AKT3: variants seen among roughly 807,000 people sequenced by gnomAD.
AKT3 encodes the protein RAC-gamma serine/threonine-protein kinase.
AKT3 carries 15 observed loss-of-function variants against 65.3 expected under a neutral mutation model. The observed-to-expected ratio is 0.23, with a 90% CI of 0.15 to 0.35. The LOEUF (loss-of-function observed/expected upper bound fraction) is 0.35. AKT3 is among the 10% of genes least tolerant of loss of function. AKT3 has a pLI of 1.00. For synonymous variants in AKT3, 206 were observed against 183.8 expected (o/e 1.12, Z -0.98); for missense variants, 243 against 576.5 (o/e 0.42, Z 5.92).
chr1:243,708,475 A>C (rs1251569845), intron 2 of AKT3, among the ~76,000 whole-genome samples: 1 of 152,024 alleles, frequency 6.6e-6, no homozygotes, highest in Admixed American at 6.5e-5. Context: ...AATTTCTTAA[A>C]ATGAAATGGG....
At chr1:243,732,109 G>GATC (rs1195515143) in intron 2 of AKT3, among the ~76,000 whole-genome samples, 1 of 152,056 alleles carries the variant, frequency 6.6e-6, no homozygotes, top group African/African-American at 2.4e-5. Flanking sequence ...ACAACAGTGA[G>GATC]ATCATGTATA....
At chr1:243,743,452 T>C (rs1457849133) in intron 2 of AKT3, among the ~76,000 whole-genome samples, 1 of 152,202 alleles carries the variant, frequency 6.6e-6, no homozygotes. Flanking sequence ...GAAGGTAGCA[T>C]TTGAAATCAA....
At chr1:243,793,165 C>A (rs1299673820) in intron 2 of AKT3, 1 of 152,196 alleles carries the variant, frequency 6.6e-6, no homozygotes, top group Non-Finnish European at 1.5e-5. Context: ...CAGCATACAG[C>A]AGCAAATACA....
intron 2 of AKT3, among the ~76,000 whole-genome samples, chr1:243,808,803 G>A (rs1692921549): frequency 6.6e-6 from 1 of 152,206 alleles, no homozygotes; most frequent in African/African-American, 2.4e-5. Flanking sequence ...ACCCACAAAA[G>A]GGAAGCCCAT....
At chr1:243,671,206 T>C (rs994825645) in intron 3 of AKT3, among the ~76,000 whole-genome samples, 6 of 151,644 alleles carry the variant, frequency 4.0e-5, no homozygotes, top group Non-Finnish European at 1.5e-5. Context: ...GCCTCCTGAG[T>C]AGCTGGGACT....
rs1228664980 is a variant in AKT3, at chr1:243,500,471, T to TTTAC, written c.*4774_*4777dup. Reference sequence around the variant, plus strand: ...AAACGTACTTAGTGAAATTAGAAAATTTACTTAGAGTATATCAAATATCTG... The same window carrying TTTAC: ...AAACGTACTTAGTGAAATTAGAAAATTTACTTACTTAGAGTATATCAAATATCTG... On this transcript the variant is annotated 3_prime_UTR_variant, in exon 14 of 14. Transcript: ENST00000673466. 8.8e-6 allele frequency: 2 copies of TTTAC among 226,074 alleles called. No homozygotes were observed. Among genetic ancestry groups the TTTAC allele is most frequent in the Admixed American group, 5.7e-5 (1 of 17,524 alleles). 14.0% of individuals were successfully genotyped at this position (226,074 alleles called of 1,614,324 possible).
intron 4 of AKT3, among the ~76,000 whole-genome samples, chr1:243,652,733 T>G (rs1318672928): frequency 2.5e-5 from 1 of 40,540 alleles, no homozygotes; most frequent in African/African-American, 1.0e-4. Flanking sequence ...AGGCTCAAAA[T>G]AAAGGGAAGA....
At chr1:243,521,630 C>T (rs2148387433) in intron 12 of AKT3, among the ~76,000 whole-genome samples, 1 of 152,276 alleles carries the variant, frequency 6.6e-6, no homozygotes, top group East Asian at 1.9e-4. Context: ...GAAGTTCATG[C>T]TGTTAATCTT....
At chr1:243,795,703 C>T (rs1356751092) in intron 2 of AKT3, among the ~76,000 whole-genome samples, 1 of 151,588 alleles carries the variant, frequency 6.6e-6, no homozygotes, top group Non-Finnish European at 1.5e-5. Context: ...GATCTCCTGA[C>T]CTCGTGATCC....
At chr1:243,689,713 G>A (rs1003998588) in intron 3 of AKT3, among the ~76,000 whole-genome samples, 1 of 152,056 alleles carries the variant, frequency 6.6e-6, no homozygotes, top group African/African-American at 2.4e-5. Flanking sequence ...CTAGCACTTT[G>A]GGAGGCCAAG....
At chr1:243,773,823 T>C (rs761450918) in intron 2 of AKT3, among the ~76,000 whole-genome samples, 1 of 152,228 alleles carries the variant, frequency 6.6e-6, no homozygotes, top group Non-Finnish European at 1.5e-5. Flanking sequence ...CTCTTCTCTA[T>C]AAATATCTCC....
intron 2 of AKT3, among the ~76,000 whole-genome samples, chr1:243,833,891 C>T (rs916468397): frequency 3.3e-5 from 5 of 151,542 alleles, no homozygotes; most frequent in African/African-American, 4.8e-5. Flanking sequence ...GAGACTCCAT[C>T]TCTATAAAAA....
At chr1:243,532,996 C>G (rs1671646717) in intron 12 of AKT3, among the ~76,000 whole-genome samples, 1 of 152,086 alleles carries the variant, frequency 6.6e-6, no homozygotes, top group African/African-American at 2.4e-5. Flanking sequence ...GGAGTAATAT[C>G]TTTTTTCATT....
chr1:243,714,797 C>T (rs1572216800), intron 2 of AKT3, among the ~76,000 whole-genome samples: 1 of 152,018 alleles, frequency 6.6e-6, no homozygotes, highest in Admixed American at 6.6e-5. Context: ...ACTTTAATAA[C>T]ACTAATAGTA....
Position 243,626,773 on chromosome 1 carries a change from A to G in AKT3, c.561+10838T>C, listed in dbSNP as rs141124306. 3.3e-3 allele frequency among the ~76,000 whole-genome samples: 509 copies of G among 152,334 alleles called. 2 individuals carry two copies. The highest frequency in any genetic ancestry group is 6.1e-3 in the Admixed American group (93 of 15,304). On this transcript the variant is annotated intron_variant, in intron 6 of 13. Coordinates refer to ENST00000673466, the MANE Select transcript of AKT3 (RefSeq NM_005465.7). ...GAAATGGCTGATAGGATTAAATTAA[A>G]ATTTGGATGAAAATTAGTATGTTTG...
intron 13 of AKT3, among the ~76,000 whole-genome samples, chr1:243,508,375 C>G (rs1669803354): frequency 6.6e-6 from 1 of 152,212 alleles, no homozygotes; most frequent in African/African-American, 2.4e-5. Flanking sequence ...TGCTGAGCCA[C>G]ACAGACAGCA....
At position 243,774,651 on chromosome 1, in the gene AKT3, G is replaced by A. The variant is rs536391044; in HGVS notation, c.46+68474C>T. ...TATCTTTTTAACCACTACAGCCAAA[G>A]AAAAGATCTACTTAGGATATACTAT... On this transcript the variant is annotated intron_variant, in intron 2 of 13. Coordinates refer to ENST00000673466, the MANE Select transcript of AKT3 (RefSeq NM_005465.7). 5.9e-5 allele frequency among the ~76,000 whole-genome samples: 9 copies of A among 152,264 alleles called. No individual in the cohort carries two copies. The East Asian group carries it at 1.7e-3, about 29-fold the overall frequency.
At chr1:243,614,707 T>A (rs552607127) in intron 7 of AKT3, among the ~76,000 whole-genome samples, 5 of 152,254 alleles carry the variant, frequency 3.3e-5, no homozygotes, top group Non-Finnish European at 7.4e-5. Flanking sequence ...TTCTGATCAT[T>A]AAGATATTTA....
intron 2 of AKT3, among the ~76,000 whole-genome samples, chr1:243,769,532 C>G (rs974050294): frequency 1.4e-4 from 21 of 152,188 alleles, no homozygotes; most frequent in African/African-American, 4.6e-4. Flanking sequence ...ATTTGCACTT[C>G]TCTGATGGCT....
Sources: allele counts gnomAD v4.1 joint callset (sites outside exome capture counted in the v4.1 genomes callset), GRCh38; gene constraint gnomAD v4.1.1; transcripts MANE v1.5; gene names NCBI Gene and HGNC (gene_info 2026-07-23, HGNC 2026-07-21).